Variants in ADIPOR1 observed in about 807,000 individuals in gnomAD.
ADIPOR1 encodes the protein adiponectin receptor protein 1.
In ADIPOR1, 15 loss-of-function variants were observed where a neutral mutation model predicts 37.5. That is an observed-to-expected ratio of 0.40 (90% CI 0.27 to 0.62). The LOEUF (loss-of-function observed/expected upper bound fraction) is 0.62. ADIPOR1 is among the 20% of genes least tolerant of loss of function. ADIPOR1 has a pLI of 0.42. For missense variants in ADIPOR1, 286 were observed against 478.0 expected (o/e 0.60, Z 3.75); for synonymous variants, 173 against 173.2 (o/e 1.00, Z 0.01).
intron 3 of ADIPOR1, 152 bp downstream of exon 3, chr1:202,948,152 T>A (rs1654407174): frequency 1.7e-6 from 1 of 576,784 alleles, no homozygotes; most frequent in East Asian, 3.2e-5. Context: ...TTAGCCAGTC[T>A]TCACATTGAT....
At chr1:202,953,296 T>G (rs985699303) in intron 1 of ADIPOR1, among the ~76,000 whole-genome samples, 1 of 152,038 alleles carries the variant, frequency 6.6e-6, no homozygotes, top group Non-Finnish European at 1.5e-5. Flanking sequence ...TAAATATTTT[T>G]GGGCATCTTA....
rs1391426677 is a variant in ADIPOR1, at chr1:202,950,988, G to A, written c.83C>T (p.Ala28Val). The change falls in exon 2 of 8, where the codon GCT (alanine) becomes GTT (valine). Residue 28 changes from alanine to valine, a missense_variant. Coordinates refer to ENST00000340990, the MANE Select transcript of ADIPOR1 (RefSeq NM_015999.6). The stretch of plus-strand genomic sequence containing the variant: ...CTCTTCTAGCAGGGGTCCCAGTTCA[G>A]CCAGTTCCACCGTGTCAGCTTCCCT... ...SNREADTVELAELGPLLEEKG... is the reference protein window; with the variant it reads ...SNREADTVELVELGPLLEEKG... 5 of 1,614,156 alleles carry A rather than the reference G, an allele frequency of 3.1e-6. No individual in the cohort carries two copies. Among genetic ancestry groups the A allele is most frequent in the Non-Finnish European group, 4.2e-6 (5 of 1,180,018 alleles).
At chr1:202,954,646 A>G (rs1005510763) in intron 1 of ADIPOR1, among the ~76,000 whole-genome samples, 1 of 152,176 alleles carries the variant, frequency 6.6e-6, no homozygotes, top group Admixed American at 6.5e-5. Flanking sequence ...TCTTCAACTC[A>G]AGCTAATAAA....
intron 1 of ADIPOR1, among the ~76,000 whole-genome samples, chr1:202,952,838 AC>A (rs1654633091): frequency 6.6e-6 from 1 of 152,204 alleles, no homozygotes; most frequent in Non-Finnish European, 1.5e-5. Context: ...GAGAACACTT[AC>A]TAACACATCA....
chr1:202,949,517 C>T (rs1004710421), intron 2 of ADIPOR1, among the ~76,000 whole-genome samples: 1 of 149,064 alleles, frequency 6.7e-6, no homozygotes, highest in Non-Finnish European at 1.5e-5. Context: ...GAGGGCGGAG[C>T]CTGCAGTGAG....
intron 1 of ADIPOR1, among the ~76,000 whole-genome samples, chr1:202,955,267 G>C (rs61822682): frequency 0.086 from 12,968 of 151,176 alleles, 748 homozygotes; most frequent in Non-Finnish European, 0.12. Context: ...TGTCATTCAG[G>C]CTGGAGTGCA....
intron 2 of ADIPOR1, among the ~76,000 whole-genome samples, chr1:202,949,437 G>T (rs1043067779): frequency 1.3e-5 from 2 of 151,736 alleles, no homozygotes; most frequent in African/African-American, 4.8e-5. Flanking sequence ...AAAATTAGCC[G>T]GGCGAGGTGG....
chr1:202,946,649 A>G, intron 3 of ADIPOR1, 39 bp from the exon 4 acceptor site: 1 of 1,605,686 alleles, frequency 6.2e-7, no homozygotes, highest in Non-Finnish European at 8.5e-7. Flanking sequence ...GGCACTAGAT[A>G]GTACCTTCCC....
chr1:202,951,895 T>C (rs912236654), intron 1 of ADIPOR1, among the ~76,000 whole-genome samples: 3 of 152,174 alleles, frequency 2.0e-5, no homozygotes, highest in Non-Finnish European at 2.9e-5. Context: ...CACACATACC[T>C]AATAACCAGC....
chr1:202,949,831 G>A (rs569580115), intron 2 of ADIPOR1, among the ~76,000 whole-genome samples: 4 of 152,138 alleles, frequency 2.6e-5, no homozygotes, highest in South Asian at 2.1e-4. Context: ...CAAAGCCCAC[G>A]GTTTTGTTCA....
chr1:202,946,036 A>G (rs116548482), intron 4 of ADIPOR1, among the ~76,000 whole-genome samples: 3,040 of 149,702 alleles, frequency 0.02, 106 homozygotes, highest in African/African-American at 0.072. Context: ...TAAAAAAAAA[A>G]TCAGAAAGCT....
chr1:202,946,307 A>G lies in ADIPOR1; in HGVS notation c.430+132T>C. The G allele has an allele frequency of 3.7e-6, 4 of 1,085,040 alleles. No individual in the cohort carries two copies. The South Asian group carries it at 6.1e-5, about 16-fold the overall frequency. The allele number at this position is 1,085,040 out of a possible 1,614,324, so 67.2% of individuals were successfully genotyped here. A position where few individuals can be genotyped will look rare whatever the true frequency, so the allele number is the denominator to read the frequency against. ...TGATCAAGGGTCAACCAAGGTTATT[A>G]GCTTAAAGTCATTAGTAGTTTAAAG... On this transcript the variant is annotated intron_variant, in intron 4 of 7. Coordinates refer to ENST00000340990, the MANE Select transcript of ADIPOR1 (RefSeq NM_015999.6).
intron 6 of ADIPOR1, 62 bp downstream of exon 6, chr1:202,943,696 T>C: frequency 1.3e-6 from 2 of 1,545,608 alleles, no homozygotes; most frequent in Non-Finnish European, 8.8e-7. Flanking sequence ...CTCAAATAGG[T>C]TTGAGCCTAT....
chr1:202,953,528 T>G (rs1009762664), intron 1 of ADIPOR1, among the ~76,000 whole-genome samples: 9 of 152,234 alleles, frequency 5.9e-5, no homozygotes, highest in Non-Finnish European at 1.3e-4. Flanking sequence ...TGCCAGCATA[T>G]GACTTAGCTT....
intron 3 of ADIPOR1, 59 bp downstream of exon 3, chr1:202,948,245 G>A (rs946522133): frequency 1.9e-4 from 261 of 1,358,284 alleles, no homozygotes; most frequent in Non-Finnish European, 2.4e-4. Flanking sequence ...GCTGGCTGGG[G>A]ACATCCCAGA....
rs374525312 is a variant in ADIPOR1, at chr1:202,945,505, A to G, written c.431-336T>C. On this transcript the variant is annotated intron_variant, in intron 4 of 7. Coordinates refer to ENST00000340990, the MANE Select transcript of ADIPOR1 (RefSeq NM_015999.6). ...AGCTACTATTTGATCCACCAATCCC[A>G]CTACCAGGTGTCTACCCAAAGGAAA... 8.5e-5 allele frequency among the ~76,000 whole-genome samples: 13 copies of G among 152,366 alleles called. No homozygotes were observed. The East Asian group carries it at 1.5e-3, about 18-fold the overall frequency.
chr1:202,954,876 C>T (rs913830791), intron 1 of ADIPOR1, among the ~76,000 whole-genome samples: 6 of 152,136 alleles, frequency 3.9e-5, no homozygotes, highest in Non-Finnish European at 5.9e-5. Context: ...TTCCAGGCTA[C>T]GGCACACCTT....
At chr1:202,958,313 C>T (rs1049089061), upstream of ADIPOR1, 1 of 152,408 alleles carries the variant, frequency 6.6e-6, no homozygotes, top group Non-Finnish European at 1.5e-5. Context: ...CGCGCGACCT[C>T]CCGCGTCACC....
rs569050331 is a variant in ADIPOR1, at chr1:202,948,411, C to G, written c.151G>C (p.Glu51Gln). The G allele has an allele frequency of 6.2e-7, 1 of 1,613,774 alleles. No individual in the cohort carries two copies. The highest frequency in any genetic ancestry group is 1.3e-5 in the African/African-American group (1 of 75,008). ...VIANPPKAEE[E>Q]QTCPVPQEEE... ...TCCTGGGGCACTGGGCATGTTTGCTCTTCTTCAGCCTATGGGGGAAAAAAC... is the reference window on the plus strand; with the variant it reads ...TCCTGGGGCACTGGGCATGTTTGCTGTTCTTCAGCCTATGGGGGAAAAAAC... The change falls in exon 3 of 8, where the codon GAG becomes CAG. Residue 51 changes from glutamate to glutamine, a missense_variant. Coordinates refer to ENST00000340990, the MANE Select transcript of ADIPOR1 (RefSeq NM_015999.6).
Sources: gnomAD v4.1 joint callset for allele counts (sites outside exome capture counted in the v4.1 genomes callset) on GRCh38, gnomAD v4.1.1 for gene constraint, MANE v1.5 for transcripts, NCBI Gene and HGNC (gene_info 2026-07-23, HGNC 2026-07-21) for gene names.